Variants in ADAM18 observed in about 807,000 individuals in gnomAD.
ADAM18 encodes the protein disintegrin and metalloproteinase domain-containing protein 18.
Under a neutral mutation model 94.4 loss-of-function variants are expected in ADAM18, and 117 were observed. The ratio of observed to expected loss-of-function variants is 1.24; its 90% CI spans 1.07 to 1.45. ADAM18 has a LOEUF of 1.45. Among genes scored for constraint, ADAM18 ranks in the 40% most tolerant of loss-of-function variants. The probability of loss-of-function intolerance (pLI) is 0.00; values close to 1 mark genes in which losing one functional copy is unlikely to be tolerated. For missense variants in ADAM18, 936 were observed against 880.0 expected, an observed-to-expected ratio of 1.06 and a Z score of -0.81; for synonymous variants, 327 against 291.6, an observed-to-expected ratio of 1.12 and a Z score of -1.24.
intron 17 of ADAM18, among the ~76,000 whole-genome samples, chr8:39,705,429 G>A (rs1272686304): frequency 2.0e-5 from 3 of 151,962 alleles, no homozygotes; most frequent in African/African-American, 4.8e-5. Context: ...TACAGTTGTG[G>A]AATAAGTTAA....
intron 12 of ADAM18, among the ~76,000 whole-genome samples, chr8:39,652,826 A>G (rs913193649): frequency 1.3e-5 from 2 of 152,156 alleles, no homozygotes; most frequent in Non-Finnish European, 2.9e-5. Context: ...GTAGAGATAC[A>G]CAATGGACTA....
chr8:39,619,355 T>G (rs60109049), intron 6 of ADAM18, among the ~76,000 whole-genome samples: 5,428 of 152,232 alleles, frequency 0.036, 244 homozygotes, highest in African/African-American at 0.11. Flanking sequence ...TCCAACAACT[T>G]CAGAATTCAC....
chr8:39,707,763 G>T (rs191679539), intron 18 of ADAM18, among the ~76,000 whole-genome samples: 6 of 151,980 alleles, frequency 3.9e-5, no homozygotes, highest in Admixed American at 3.9e-4. Flanking sequence ...ACATTTGTAA[G>T]TATACATATA....
chr8:39,706,935 TAGA>T, intron 18 of ADAM18, 31 bp downstream of exon 18: 4 of 1,273,700 alleles, frequency 3.1e-6, no homozygotes, highest in Non-Finnish European at 4.5e-6. Flanking sequence ...TAAAGCAAAA[TAGA>T]AGGTTGTTTT....
chr8:39,694,962 C>T (rs1348362484), intron 17 of ADAM18, among the ~76,000 whole-genome samples: 1 of 151,496 alleles, frequency 6.6e-6, no homozygotes, highest in African/African-American at 2.4e-5. Flanking sequence ...TTTAGCCCTT[C>T]ATCCTTTTCC....
chr8:39,610,898 A>G (rs1450783403), intron 6 of ADAM18, 192 bp downstream of exon 6: 6 of 1,256,850 alleles, frequency 4.8e-6, no homozygotes, highest in Non-Finnish European at 6.2e-6. Flanking sequence ...TTAATATTTT[A>G]TGATGTATTA....
chr8:39,709,958 G>T (rs1033072152), intron 18 of ADAM18, among the ~76,000 whole-genome samples: 15 of 152,318 alleles, frequency 9.8e-5, no homozygotes, highest in Admixed American at 2.6e-4. Context: ...ATAGACAGAG[G>T]TTTAGTTATC....
chr8:39,592,557 A>G (rs1007050711), intron 2 of ADAM18, among the ~76,000 whole-genome samples: 1 of 152,204 alleles, frequency 6.6e-6, no homozygotes, highest in Admixed American at 6.6e-5. Flanking sequence ...GAGGAACTGG[A>G]GGCCATTATC....
intron 12 of ADAM18, among the ~76,000 whole-genome samples, chr8:39,662,680 A>T (rs1820872253): frequency 1.3e-5 from 2 of 152,204 alleles, no homozygotes; most frequent in Non-Finnish European, 1.5e-5. Flanking sequence ...GCTGGAGTGC[A>T]GTGGCATGAC....
At chr8:39,599,581 A>G (rs954467727) in intron 2 of ADAM18, among the ~76,000 whole-genome samples, 2 of 152,104 alleles carry the variant, frequency 1.3e-5, no homozygotes, top group Admixed American at 1.3e-4. Context: ...ACACACATTT[A>G]TTTATGTCTT....
At chr8:39,620,186 G>A (rs1431932997) in intron 6 of ADAM18, among the ~76,000 whole-genome samples, 1 of 151,700 alleles carries the variant, frequency 6.6e-6, no homozygotes, top group Non-Finnish European at 1.5e-5. Flanking sequence ...AAGAGTGAAA[G>A]TAAATTCCTA....
chr8:39,678,042 C>A (rs1001834994), intron 15 of ADAM18, among the ~76,000 whole-genome samples: 3 of 152,052 alleles, frequency 2.0e-5, no homozygotes, highest in African/African-American at 7.2e-5. Flanking sequence ...TTAATGAAAT[C>A]CAATACTTTA....
chr8:39,619,953 G>A (rs1047341518), intron 6 of ADAM18, among the ~76,000 whole-genome samples: 1 of 151,926 alleles, frequency 6.6e-6, no homozygotes. Context: ...GCAAAAAGAG[G>A]AAAATATACT....
chr8:39,601,501 C>T (rs1013862103), intron 2 of ADAM18, among the ~76,000 whole-genome samples: 5 of 152,002 alleles, frequency 3.3e-5, no homozygotes, highest in African/African-American at 1.2e-4. Flanking sequence ...TTCTTATTAT[C>T]GTGGTTTGCC....
intron 18 of ADAM18, among the ~76,000 whole-genome samples, chr8:39,719,046 G>GA (rs35202109): frequency 1.2e-4 from 18 of 148,992 alleles, no homozygotes; most frequent in African/African-American, 3.2e-4. Flanking sequence ...AAATGACTTT[G>GA]AAAAAAAAAT....
At position 39,645,515 on chromosome 8, in the gene ADAM18, A is replaced by C. The variant is rs750616737; in HGVS notation, c.1046+41A>C. On this transcript the variant is annotated intron_variant, in intron 11 of 19. Coordinates refer to ENST00000265707, the MANE Select transcript of ADAM18 (RefSeq NM_014237.3). Reference sequence around the variant, plus strand: ...AATTAATTTCATTTATATTTTTATAAGGTTGTTTCCAAAATGTGATAATGT... The same window carrying C: ...AATTAATTTCATTTATATTTTTATACGGTTGTTTCCAAAATGTGATAATGT... The C allele has an allele frequency of 1.0e-5, 16 of 1,556,336 alleles. No individual in the cohort carries two copies. In the African/African-American group the frequency reaches 1.8e-4, roughly 18 times the overall value.
At chr8:39,601,670 T>A (rs1214064502) in intron 2 of ADAM18, among the ~76,000 whole-genome samples, 2 of 152,230 alleles carry the variant, frequency 1.3e-5, no homozygotes, top group Non-Finnish European at 2.9e-5. Flanking sequence ...AAAAATGTAT[T>A]GTACAATAAC....
chr8:39,610,846 G>T lies in ADAM18; in HGVS notation c.522+140G>T, dbSNP rs191981024. 7.8e-3 allele frequency: 9,867 copies of T among 1,271,996 alleles called. 70 individuals are homozygous for T. The highest frequency in any genetic ancestry group is 8.9e-3 in the Non-Finnish European group (8,816 of 986,128). 78.8% of individuals were successfully genotyped at this position (1,271,996 alleles called of 1,614,324 possible). A position where few individuals can be genotyped will look rare whatever the true frequency, so the allele number is the denominator to read the frequency against. ...TTTTTCTACCTTTAAATAAAACATT[G>T]AAACTTCATCTAAAATATTTGGAAA... On this transcript the variant is annotated intron_variant, in intron 6 of 19. Coordinates refer to ENST00000265707, the MANE Select transcript of ADAM18 (RefSeq NM_014237.3).
chr8:39,718,484 G>A (rs188497662), intron 18 of ADAM18, among the ~76,000 whole-genome samples: 65 of 151,628 alleles, frequency 4.3e-4, no homozygotes, highest in African/African-American at 1.6e-3. Flanking sequence ...ACAGTTCCAC[G>A]TATGTGAAGT....
Sources: allele counts gnomAD v4.1 joint callset (sites outside exome capture counted in the v4.1 genomes callset), GRCh38; gene constraint gnomAD v4.1.1; transcripts MANE v1.5; gene names NCBI Gene and HGNC (gene_info 2026-07-23, HGNC 2026-07-21).